The following PCDHGA11 variants were observed in gnomAD, a reference collection of about 807,000 sequenced individuals.
The protein encoded by PCDHGA11 is protocadherin gamma subfamily A, 11, also known as protocadherin gamma-A11.
A neutral mutation model predicts 60.4 loss-of-function variants in PCDHGA11; 39 were observed. The ratio of observed to expected loss-of-function variants is 0.65; its 90% CI spans 0.50 to 0.84. The LOEUF (loss-of-function observed/expected upper bound fraction) is 0.84. Ranked by LOEUF, PCDHGA11 falls within the 40% of genes least tolerant of loss-of-function variation. The pLI is 0.00. For missense variants in PCDHGA11, 1,165 were observed against 1,197.7 expected, an observed-to-expected ratio of 0.97 and a Z score of 0.40; for synonymous variants, 533 against 510.3, an observed-to-expected ratio of 1.04 and a Z score of -0.60.
Position 141,432,195 on chromosome 5 carries a change from C to A in PCDHGA11, c.2433+8535C>A, listed in dbSNP as rs1334965321. ...CTCGTCTCTGTGACCGCCCACGACC[C>A]CGACTGTGAAGAGAACGCCCAGATC... On this transcript the variant is annotated intron_variant, in intron 1 of 3. Transcript: ENST00000398587. This position sits in a 1 kb window ranked among gnomAD's most constrained non-coding sequence, Gnocchi z 6.0. 22 of 1,614,088 alleles carry A rather than the reference C, an allele frequency of 1.4e-5. No homozygotes were observed. The highest frequency in any genetic ancestry group is 1.9e-5 in the Non-Finnish European group (22 of 1,180,058).
intron 1 of PCDHGA11, among the ~76,000 whole-genome samples, chr5:141,435,651 C>T (rs762264332): frequency 1.4e-4 from 22 of 152,044 alleles, no homozygotes; most frequent in Non-Finnish European, 2.9e-4. Flanking sequence ...ATTTCTGAAA[C>T]GTGCACAGAT....
Position 141,485,113 on chromosome 5 carries a change from T to G in PCDHGA11, c.2434-9694T>G. On this transcript the variant is annotated intron_variant, in intron 1 of 3. Transcript: ENST00000398587. This position sits in a 1 kb window ranked among gnomAD's most constrained non-coding sequence, Gnocchi z 5.7. ...AGGTGTCTCCAGCTGCTGTGGCTGTTTGGGGCGGGTCGGCTTCATCCGCGT... is the reference window on the plus strand; with the variant it reads ...AGGTGTCTCCAGCTGCTGTGGCTGTGTGGGGCGGGTCGGCTTCATCCGCGT... 1 of 1,286,014 alleles carries G rather than the reference T, an allele frequency of 7.8e-7. No individual in the cohort carries two copies. Among genetic ancestry groups the G allele is most frequent in the Non-Finnish European group, 1.1e-6 (1 of 898,642 alleles). 79.7% of individuals were successfully genotyped at this position (1,286,014 alleles called of 1,614,324 possible). A position where few individuals can be genotyped will look rare whatever the true frequency, so the allele number is the denominator to read the frequency against.
intron 1 of PCDHGA11, among the ~76,000 whole-genome samples, chr5:141,456,862 C>T (rs1385304686): frequency 6.6e-6 from 1 of 152,086 alleles, no homozygotes; most frequent in Non-Finnish European, 1.5e-5. Context: ...AATTGGGAGG[C>T]TGAGGCAGGA....
In PCDHGA11 at chr5:141,491,771, G is replaced by C. The variant is rs760915700; in HGVS notation, c.2434-3036G>C. ...GGAGAAGCCGCCCGTCCTCATAAGG[G>C]ATTGAACTTGCATCCACTCCTCTCC... On this transcript the variant is annotated intron_variant, in intron 1 of 3. Coordinates refer to ENST00000398587, the MANE Select transcript of PCDHGA11 (RefSeq NM_018914.3). The surrounding 1 kb of genome is among the most constrained non-coding windows in gnomAD (Gnocchi z 6.9). 6.4e-7 allele frequency: 1 copy of C among 1,558,290 alleles called. No individual in the cohort carries two copies. Among genetic ancestry groups the C allele is most frequent in the Non-Finnish European group, 8.7e-7 (1 of 1,153,586 alleles).
At chr5:141,437,264 A>G (rs2097872616) in intron 1 of PCDHGA11, among the ~76,000 whole-genome samples, 2 of 152,228 alleles carry the variant, frequency 1.3e-5, no homozygotes, top group South Asian at 2.1e-4. Context: ...TTTTATGTGT[A>G]TGACAGATGT....
chr5:141,462,242 G>A (rs1325040495), intron 1 of PCDHGA11, among the ~76,000 whole-genome samples: 3 of 152,234 alleles, frequency 2.0e-5, no homozygotes, highest in Non-Finnish European at 4.4e-5. Context: ...TTACAGGTAT[G>A]AGCCACCATG....
At position 141,477,272 on chromosome 5, in the gene PCDHGA11, C is replaced by G. The variant is rs2099408579; in HGVS notation, c.2434-17535C>G. The G allele has an allele frequency of 1.2e-6, 2 of 1,614,090 alleles. No homozygotes were observed. The highest frequency in any genetic ancestry group is 1.7e-6 in the Non-Finnish European group (2 of 1,180,048). Reference sequence around the variant, plus strand: ...TGACCTGGATGCTGGCGAGAACGGGCTGGTGACCTGCGAAGTTCCACCGGG... The same window carrying G: ...TGACCTGGATGCTGGCGAGAACGGGGTGGTGACCTGCGAAGTTCCACCGGG... On this transcript the variant is annotated intron_variant, in intron 1 of 3. Coordinates refer to ENST00000398587, the MANE Select transcript of PCDHGA11 (RefSeq NM_018914.3). This position sits in a 1 kb window ranked among gnomAD's most constrained non-coding sequence, Gnocchi z 4.9.
chr5:141,505,284 G>A, intron 2 of PCDHGA11, 109 bp from the exon 3 acceptor site: 1 of 1,548,402 alleles, frequency 6.5e-7, no homozygotes. Flanking sequence ...CAGGTCTTGG[G>A]CATGGGGTAG....
At chr5:141,478,603 A>C (rs116528962) in intron 1 of PCDHGA11, 173 of 1,563,096 alleles carry the variant, frequency 1.1e-4, no homozygotes, top group Non-Finnish European at 1.4e-4. Context: ...CCTACATCAT[A>C]TTGAGGAAGG....
Position 141,432,503 on chromosome 5 carries a change from G to A in PCDHGA11, c.2433+8843G>A, listed in dbSNP as rs939325676. On this transcript the variant is annotated intron_variant, in intron 1 of 3. Transcript: ENST00000398587. This position sits in a 1 kb window ranked among gnomAD's most constrained non-coding sequence, Gnocchi z 6.0. ...TGGCGTGGAGCTGGCTCCCCGCTCC[G>A]CAGAGCCCGGCTACCTGGTGACCAA... 5 of 1,613,988 alleles carry A rather than the reference G, an allele frequency of 3.1e-6. No individual in the cohort carries two copies. Among genetic ancestry groups the A allele is most frequent in the Non-Finnish European group, 2.5e-6 (3 of 1,180,038 alleles).
At chr5:141,500,991 C>T (rs2099804636) in intron 2 of PCDHGA11, among the ~76,000 whole-genome samples, 1 of 152,024 alleles carries the variant, frequency 6.6e-6, no homozygotes, top group South Asian at 2.1e-4. Flanking sequence ...GCCTCAGCCT[C>T]CTGAGTAGCT....
intron 2 of PCDHGA11, among the ~76,000 whole-genome samples, chr5:141,504,750 A>C (rs921495017): frequency 6.6e-6 from 1 of 151,894 alleles, no homozygotes; most frequent in Admixed American, 6.5e-5. Context: ...ATTGAATTTT[A>C]GAAATTTCTT....
intron 1 of PCDHGA11, among the ~76,000 whole-genome samples, chr5:141,438,619 TATATATATATATATATAC>T (rs1380852637): frequency 0.021 from 829 of 39,644 alleles, 15 homozygotes; most frequent in East Asian, 0.054. Context: ...TATATATATA[TATATATATATATATATAC>T]ACACACACAC....
chr5:141,439,636 G>A (rs114401133), intron 1 of PCDHGA11, among the ~76,000 whole-genome samples: 27 of 152,206 alleles, frequency 1.8e-4, no homozygotes, highest in Non-Finnish European at 2.9e-4. Context: ...CAGACATTCC[G>A]GCTTGGTGGC....
At chr5:141,460,848 C>A (rs528601988) in intron 1 of PCDHGA11, among the ~76,000 whole-genome samples, 1 of 150,236 alleles carries the variant, frequency 6.7e-6, no homozygotes, top group African/African-American at 2.4e-5. Context: ...GCCTCCAGTT[C>A]GATCCAAGTT....
At position 141,491,539 on chromosome 5, in the gene PCDHGA11, A is replaced by G; in HGVS notation, c.2434-3268A>G. ...GTACATGGAGGTGACGCTGCGGCCC[A>G]CAGACTCGCAGAGCCACTGCTACAG... On this transcript the variant is annotated intron_variant, in intron 1 of 3. Coordinates refer to ENST00000398587, the MANE Select transcript of PCDHGA11 (RefSeq NM_018914.3). This position sits in a 1 kb window ranked among gnomAD's most constrained non-coding sequence, Gnocchi z 6.9. The G allele has an allele frequency of 6.2e-7, 1 of 1,613,968 alleles. No homozygotes were observed. The highest frequency in any genetic ancestry group is 1.1e-5 in the South Asian group (1 of 91,074).
Position 141,490,672 on chromosome 5 carries a change from G to A in PCDHGA11, c.2434-4135G>A. ...GGGCTCCCTTCTTTGCACTGTGGCT[G>A]CCTCAGATCCAGACACTGGGGATAA... is the stretch of plus-strand genomic sequence containing the variant. On this transcript the variant is annotated intron_variant, in intron 1 of 3. Transcript: ENST00000398587. This position sits in a 1 kb window ranked among gnomAD's most constrained non-coding sequence, Gnocchi z 5.4. 1.2e-6 allele frequency: 2 copies of A among 1,614,114 alleles called. No homozygotes were observed. Among genetic ancestry groups the A allele is most frequent in the Non-Finnish European group, 1.7e-6 (2 of 1,179,996 alleles).
chr5:141,469,476 G>A (rs2154570344), intron 1 of PCDHGA11, among the ~76,000 whole-genome samples: 1 of 152,246 alleles, frequency 6.6e-6, no homozygotes, highest in South Asian at 2.1e-4. Context: ...TCGGGAGGCT[G>A]AGGCAGGAGA....
chr5:141,505,363 T>A, intron 2 of PCDHGA11, 30 bp from the exon 3 acceptor site: 1 of 1,613,360 alleles, frequency 6.2e-7, no homozygotes, highest in Non-Finnish European at 8.5e-7. Context: ...GGCCTGGGAG[T>A]CTGTGCTCAC....
Sources: gnomAD v4.1 joint callset for allele counts (sites outside exome capture counted in the v4.1 genomes callset) on GRCh38, gnomAD v4.1.1 for gene constraint, Gnocchi (gnomAD v3.1) non-coding constraint, MANE v1.5 for transcripts, NCBI Gene and HGNC (gene_info 2026-07-23, HGNC 2026-07-21) for gene names.